The following PLCXD3 variants were observed in gnomAD, a reference collection of about 807,000 sequenced individuals.
PLCXD3 encodes phosphatidylinositol specific phospholipase C X domain containing 3, also known as PI-PLC X domain-containing protein 3.
Under a neutral mutation model 25.5 loss-of-function variants are expected in PLCXD3, and 19 were observed. The ratio of observed to expected loss-of-function variants is 0.75; its 90% CI spans 0.52 to 1.09. The LOEUF is 1.09. PLCXD3 is among the 50% of genes least tolerant of loss of function. The pLI is 0.00. For synonymous variants in PLCXD3, 174 were observed against 137.6 expected, an observed-to-expected ratio of 1.26 and a Z score of -1.85; for missense variants, 411 against 388.1, an observed-to-expected ratio of 1.06 and a Z score of -0.50.
intron 2 of PLCXD3, among the ~76,000 whole-genome samples, chr5:41,377,371 G>A (rs1745328793): frequency 6.6e-6 from 1 of 151,782 alleles, no homozygotes; most frequent in South Asian, 2.1e-4. Context: ...GTACAAATAT[G>A]GTCTAATTTA....
intron 1 of PLCXD3, among the ~76,000 whole-genome samples, chr5:41,502,796 A>G (rs1258124733): frequency 1.3e-5 from 2 of 152,196 alleles, no homozygotes; most frequent in Admixed American, 6.5e-5. Flanking sequence ...TAGGACAGAA[A>G]AAGTGAGACG....
intron 2 of PLCXD3, among the ~76,000 whole-genome samples, chr5:41,319,244 C>T (rs1300352128): frequency 1.3e-5 from 2 of 152,132 alleles, no homozygotes; most frequent in Non-Finnish European, 1.5e-5. Context: ...ACTTAATCTG[C>T]AGTATAGACC....
At chr5:41,338,549 C>A (rs1447461879) in intron 2 of PLCXD3, among the ~76,000 whole-genome samples, 1 of 151,906 alleles carries the variant, frequency 6.6e-6, no homozygotes, top group Admixed American at 6.6e-5. Context: ...TCAAGGGGCT[C>A]AACTTGAGCA....
chr5:41,440,354 T>C (rs1310986699), intron 1 of PLCXD3, among the ~76,000 whole-genome samples: 3 of 147,044 alleles, frequency 2.0e-5, no homozygotes, highest in African/African-American at 7.5e-5. Context: ...TGCCTCAGCC[T>C]CCCGAGTAGT....
chr5:41,502,936 T>G (rs983990125), intron 1 of PLCXD3, among the ~76,000 whole-genome samples: 7 of 152,176 alleles, frequency 4.6e-5, no homozygotes, highest in Non-Finnish European at 8.8e-5. Flanking sequence ...GCAGCCTTCT[T>G]CTCTAGCAGC....
chr5:41,403,280 CTT>C (rs538471301), intron 1 of PLCXD3, among the ~76,000 whole-genome samples: 108 of 137,446 alleles, frequency 7.9e-4, no homozygotes, highest in Non-Finnish European at 1.2e-3. Context: ...AAGAGGAACT[CTT>C]TTTTTTTTTT....
chr5:41,350,883 ACTGGTAAC>A (rs1744440890), intron 2 of PLCXD3, among the ~76,000 whole-genome samples: 1 of 152,050 alleles, frequency 6.6e-6, no homozygotes, highest in East Asian at 1.9e-4. Flanking sequence ...AGAATCTGGG[ACTGGTAAC>A]ATAAGCTTAT....
intron 2 of PLCXD3, among the ~76,000 whole-genome samples, chr5:41,380,068 C>T (rs1218404054): frequency 2.0e-5 from 3 of 151,994 alleles, no homozygotes; most frequent in East Asian, 1.9e-4. Context: ...TTTTCACCAT[C>T]GAGAAATGCC....
chr5:41,414,292 T>C (rs2150504215), intron 1 of PLCXD3, among the ~76,000 whole-genome samples: 1 of 152,186 alleles, frequency 6.6e-6, no homozygotes, highest in South Asian at 2.1e-4. Context: ...TGGAGTGCAA[T>C]GGCGCGATCT....
Position 41,503,987 on chromosome 5 carries a change from TTG to T in PLCXD3, c.103+6435_103+6436del, listed in dbSNP as rs36021542. ...AAAATGTGTGTGTGTGTGTGTGCAC[TTG>T]TGTGTGTGTGTGTGTGTGTGTGACT... On this transcript the variant is annotated intron_variant, in intron 1 of 2. Coordinates refer to ENST00000377801, the MANE Select transcript of PLCXD3 (RefSeq NM_001005473.3). Among the ~76,000 whole-genome samples, 897 of 148,226 alleles carry T rather than the reference TTG, an allele frequency of 6.1e-3. 3 individuals are homozygous for T. The highest frequency in any genetic ancestry group is 0.017 in the African/African-American group (676 of 40,504).
Position 41,427,823 on chromosome 5 carries a change from G to A in PLCXD3, c.104-45289C>T, listed in dbSNP as rs1027206685. ...GAACAACTCTTATGGTGATTTCTCAGCCTACAATTGAAGCACCACTAGCAA... is the reference window on the plus strand; with the variant it reads ...GAACAACTCTTATGGTGATTTCTCAACCTACAATTGAAGCACCACTAGCAA... On this transcript the variant is annotated intron_variant, in intron 1 of 2. Transcript: ENST00000377801. Among the ~76,000 whole-genome samples, 12 of 152,106 alleles carry A rather than the reference G, an allele frequency of 7.9e-5. 1 individual carries two copies. The highest frequency in any genetic ancestry group is 6.3e-3 in the Middle Eastern group (2 of 316).
intron 2 of PLCXD3, among the ~76,000 whole-genome samples, chr5:41,357,049 C>T (rs939520280): frequency 1.1e-4 from 16 of 152,212 alleles, no homozygotes; most frequent in Admixed American, 8.5e-4. Context: ...TGTAAGCAGA[C>T]ACGCTTGACC....
intron 1 of PLCXD3, among the ~76,000 whole-genome samples, chr5:41,493,276 G>A (rs2150526342): frequency 6.6e-6 from 1 of 152,272 alleles, no homozygotes; most frequent in Middle Eastern, 3.4e-3. Context: ...GCTGCTGTCT[G>A]ATCGTTCCTC....
chr5:41,326,204 T>C (rs1271224032), intron 2 of PLCXD3, among the ~76,000 whole-genome samples: 1 of 152,138 alleles, frequency 6.6e-6, no homozygotes, highest in African/African-American at 2.4e-5. Flanking sequence ...CTAACAAAGA[T>C]GTATTGTGCA....
intron 1 of PLCXD3, among the ~76,000 whole-genome samples, chr5:41,445,537 A>G (rs531097680): frequency 6.6e-6 from 1 of 152,334 alleles, no homozygotes; most frequent in East Asian, 1.9e-4. Context: ...CACTAGGAAG[A>G]GAGGCTTGAA....
At chr5:41,337,304 A>G (rs572329740) in intron 2 of PLCXD3, among the ~76,000 whole-genome samples, 49 of 152,244 alleles carry the variant, frequency 3.2e-4, no homozygotes, top group African/African-American at 1.0e-3. Flanking sequence ...GCTATGAATA[A>G]TATATAAAAG....
chr5:41,467,925 T>G (rs1382380041), intron 1 of PLCXD3, among the ~76,000 whole-genome samples: 1 of 152,088 alleles, frequency 6.6e-6, no homozygotes, highest in East Asian at 1.9e-4. Flanking sequence ...ATGTCTCTGT[T>G]TTTATGCAGG....
intron 2 of PLCXD3, among the ~76,000 whole-genome samples, chr5:41,334,764 T>C (rs1743932425): frequency 1.3e-5 from 2 of 151,746 alleles, no homozygotes; most frequent in South Asian, 4.1e-4. Flanking sequence ...CAAGAAAAAA[T>C]GGTGTTTAAG....
chr5:41,358,463 CT>C (rs1744681128), intron 2 of PLCXD3, among the ~76,000 whole-genome samples: 1 of 152,162 alleles, frequency 6.6e-6, no homozygotes, highest in Admixed American at 6.5e-5. Context: ...CACTCCCGCT[CT>C]TTCCCCCAAG....
Sources: gnomAD v4.1 joint callset for allele counts (sites outside exome capture counted in the v4.1 genomes callset) on GRCh38, gnomAD v4.1.1 for gene constraint, MANE v1.5 for transcripts, NCBI Gene and HGNC (gene_info 2026-07-23, HGNC 2026-07-21) for gene names.